NELL2: variants seen among roughly 807,000 people sequenced by gnomAD.
NELL2 encodes the protein protein kinase C-binding protein NELL2.
NELL2 carries 41 observed loss-of-function variants against 109.6 expected under a neutral mutation model. The observed-to-expected ratio is 0.37, with a 90% CI of 0.29 to 0.49. The LOEUF is 0.49. NELL2 is among the 20% of genes least tolerant of loss of function. The pLI, the probability that NELL2 is intolerant of heterozygous loss-of-function variation, is 0.98. For synonymous variants in NELL2, 355 were observed against 344.7 expected, an observed-to-expected ratio of 1.03 and a Z score of -0.33; for missense variants, 900 against 1,008.3, an observed-to-expected ratio of 0.89 and a Z score of 1.45.
chr12:44,600,000 C>T (rs1592185393), intron 15 of NELL2, among the ~76,000 whole-genome samples: 1 of 145,674 alleles, frequency 6.9e-6, no homozygotes, highest in Admixed American at 6.9e-5. Flanking sequence ...CTCGCTCTGC[C>T]GCCCAGGCTG....
chr12:44,779,800 G>A (rs759192429), intron 4 of NELL2, 41 bp from the exon 5 acceptor site: 5 of 1,612,930 alleles, frequency 3.1e-6, no homozygotes, highest in Non-Finnish European at 4.2e-6. Flanking sequence ...TGAGTAGACA[G>A]TCATTTCTTA....
intron 13 of NELL2, among the ~76,000 whole-genome samples, chr12:44,657,941 C>T (rs1487783874): frequency 6.6e-5 from 10 of 152,130 alleles, no homozygotes; most frequent in East Asian, 1.9e-4. Flanking sequence ...AATAAACATG[C>T]GTGTGCATGT....
intron 9 of NELL2, among the ~76,000 whole-genome samples, chr12:44,738,537 C>T (rs1939772799): frequency 1.3e-5 from 2 of 151,206 alleles, no homozygotes; most frequent in Non-Finnish European, 2.9e-5. Context: ...GGACATTATG[C>T]TAAGTGAAAT....
rs1163109922 is a variant in NELL2, at chr12:44,648,729, ATATTT to A, written c.1444+16750_1444+16754del. 6.7e-3 allele frequency among the ~76,000 whole-genome samples: 672 copies of A among 100,554 alleles called. 1 individual carries two copies. Among genetic ancestry groups the A allele is most frequent in the East Asian group, 0.031 (104 of 3,338 alleles). The allele number at this position is 100,554 out of a possible 152,430, so 66.0% of individuals were successfully genotyped here. A position where few individuals can be genotyped will look rare whatever the true frequency, so the allele number is the denominator to read the frequency against. On this transcript the variant is annotated intron_variant, in intron 13 of 19. Coordinates refer to ENST00000429094, the MANE Select transcript of NELL2 (RefSeq NM_001145108.2). ...TGCCATCATATATATATATATATATATATTTTTTTTTTTTTTTTTTTTTTGAGACA... is the reference window on the plus strand; with the variant it reads ...TGCCATCATATATATATATATATATATTTTTTTTTTTTTTTTTTTGAGACA...
chr12:44,890,320 A>G (rs2136868489), intron 1 of NELL2, among the ~76,000 whole-genome samples: 1 of 152,318 alleles, frequency 6.6e-6, no homozygotes, highest in South Asian at 2.1e-4. Flanking sequence ...CGCTAAGTAC[A>G]GGACTTGCCG....
At chr12:44,534,276 A>G (rs554329323) in intron 15 of NELL2, among the ~76,000 whole-genome samples, 2 of 152,296 alleles carry the variant, frequency 1.3e-5, no homozygotes, top group African/African-American at 4.8e-5. Flanking sequence ...GTGTCCCTTC[A>G]GCAAAATAGT....
At chr12:44,855,237 G>A (rs1944649500) in intron 2 of NELL2, among the ~76,000 whole-genome samples, 1 of 152,144 alleles carries the variant, frequency 6.6e-6, no homozygotes, top group Non-Finnish European at 1.5e-5. Flanking sequence ...CACAAGCTTG[G>A]CTAAACATCA....
chr12:44,697,952 G>A (rs535489872), intron 12 of NELL2, among the ~76,000 whole-genome samples: 1 of 152,132 alleles, frequency 6.6e-6, no homozygotes, highest in Non-Finnish European at 1.5e-5. Context: ...CTTGTTCCAT[G>A]CTCCTCACCT....
chr12:44,521,539 A>G (rs1314006513), intron 18 of NELL2, among the ~76,000 whole-genome samples: 1 of 151,306 alleles, frequency 6.6e-6, no homozygotes, highest in Non-Finnish European at 1.5e-5. Flanking sequence ...CAAAAAAAAA[A>G]AAAGAAGGTT....
At chr12:44,742,813 ATCTACG>A (rs1457485687) in intron 9 of NELL2, among the ~76,000 whole-genome samples, 1 of 152,226 alleles carries the variant, frequency 6.6e-6, no homozygotes, top group Non-Finnish European at 1.5e-5. Flanking sequence ...AAAAGACCAA[ATCTACG>A]TCTGATTGGC....
chr12:44,644,681 CT>C (rs999639138), intron 13 of NELL2, among the ~76,000 whole-genome samples: 3 of 135,210 alleles, frequency 2.2e-5, no homozygotes, highest in Non-Finnish European at 3.1e-5. Flanking sequence ...CTCACTATAC[CT>C]TTTTTTTATT....
intron 12 of NELL2, among the ~76,000 whole-genome samples, chr12:44,689,766 C>A (rs1250579704): frequency 6.6e-6 from 1 of 152,174 alleles, no homozygotes; most frequent in Non-Finnish European, 1.5e-5. Context: ...TGGGCTGGCA[C>A]AGGTGTACTA....
intron 15 of NELL2, among the ~76,000 whole-genome samples, chr12:44,534,898 AG>A (rs1464781441): frequency 1.3e-5 from 2 of 152,010 alleles, no homozygotes; most frequent in African/African-American, 4.8e-5. Context: ...ACCTTGACAT[AG>A]TAATAAGGTT....
chr12:44,723,519 T>C (rs1938903552), intron 9 of NELL2, among the ~76,000 whole-genome samples: 1 of 152,188 alleles, frequency 6.6e-6, no homozygotes, highest in Non-Finnish European at 1.5e-5. Context: ...TCACACTCAA[T>C]CATGTTTTGA....
intron 2 of NELL2, among the ~76,000 whole-genome samples, chr12:44,849,979 G>A (rs796965188): frequency 1.3e-5 from 2 of 152,140 alleles, no homozygotes; most frequent in African/African-American, 2.4e-5. Context: ...GTGTGGGAGA[G>A]GTGGGAACTG....
At position 44,703,771 on chromosome 12, in the gene NELL2, G is replaced by A; in HGVS notation, c.1273C>T (p.Arg425Ter). The A allele has an allele frequency of 1.9e-6, 3 of 1,613,178 alleles. No homozygotes were observed. The highest frequency in any genetic ancestry group is 2.2e-5 in the East Asian group (1 of 44,826). The change falls in exon 12 of 20, where the codon CGA becomes TGA. Residue 425 changes from arginine to a stop codon, truncating the protein, a stop_gained. Transcript: ENST00000429094. LOFTEE classifies it high-confidence loss of function. ...TCTCGAAGAGCCCTAAAACCATCTC[G>A]ACAGCTACAAACAGCCCTGTCATTC... Reference protein sequence around the residue: ...NLNDRAVCSCRDGFRALREDN... With the variant: ...NLNDRAVCSC
intron 12 of NELL2, among the ~76,000 whole-genome samples, 181 bp downstream of exon 12, chr12:44,703,545 G>A (rs550954855): frequency 1.3e-5 from 2 of 152,270 alleles, no homozygotes; most frequent in East Asian, 1.9e-4. Flanking sequence ...GTGACATATA[G>A]CAGATAGCTG....
At chr12:44,753,432 T>A (rs1361388378) in intron 9 of NELL2, among the ~76,000 whole-genome samples, 1 of 152,224 alleles carries the variant, frequency 6.6e-6, no homozygotes, top group East Asian at 1.9e-4. Context: ...GTTTTTCTTT[T>A]ACTATTTTTC....
chr12:44,635,136 T>C (rs1219914492), intron 13 of NELL2, among the ~76,000 whole-genome samples: 1 of 152,188 alleles, frequency 6.6e-6, no homozygotes, highest in Non-Finnish European at 1.5e-5. Flanking sequence ...GTTGTTTGTT[T>C]TTTTCTTGAA....
Sources: allele counts gnomAD v4.1 joint callset (sites outside exome capture counted in the v4.1 genomes callset), GRCh38; gene constraint gnomAD v4.1.1; transcripts MANE v1.5; gene names NCBI Gene and HGNC (gene_info 2026-07-23, HGNC 2026-07-21).